The following LRRTM4 variants were observed in gnomAD, a reference collection of about 807,000 sequenced individuals.
LRRTM4 encodes the protein leucine-rich repeat transmembrane neuronal protein 4.
Under a neutral mutation model 47.6 loss-of-function variants are expected in LRRTM4, and 25 were observed. The ratio of observed to expected loss-of-function variants is 0.53; its 90% CI spans 0.38 to 0.73. LRRTM4 has a LOEUF of 0.73. Ranked by LOEUF, LRRTM4 falls within the 30% of genes least tolerant of loss-of-function variation. LRRTM4 has a pLI of 0.00. For synonymous variants in LRRTM4, 311 were observed against 269.5 expected, an observed-to-expected ratio of 1.15 and a Z score of -1.51; for missense variants, 638 against 713.4, an observed-to-expected ratio of 0.89 and a Z score of 1.20.
At chr2:76,776,497 T>G (rs1050340591) in intron 3 of LRRTM4, among the ~76,000 whole-genome samples, 3 of 150,708 alleles carry the variant, frequency 2.0e-5, no homozygotes, top group Non-Finnish European at 4.4e-5. Context: ...TTTGCATTTC[T>G]CTGATGGCCA....
chr2:76,898,976 G>T (rs1040502694), intron 3 of LRRTM4, among the ~76,000 whole-genome samples: 2 of 151,980 alleles, frequency 1.3e-5, no homozygotes, highest in Admixed American at 1.3e-4. Context: ...ATACAAGGAT[G>T]TTCTCTTTGA....
intron 3 of LRRTM4, among the ~76,000 whole-genome samples, chr2:77,003,265 CTTTT>C (rs1677503815): frequency 1.3e-5 from 2 of 151,192 alleles, no homozygotes; most frequent in Non-Finnish European, 2.9e-5. Flanking sequence ...TTCTATTTTA[CTTTT>C]ATTTGCTTAT....
intron 3 of LRRTM4, among the ~76,000 whole-genome samples, chr2:77,290,914 G>C (rs1183720591): frequency 6.6e-6 from 1 of 151,936 alleles, no homozygotes; most frequent in Non-Finnish European, 1.5e-5. Context: ...TGCCTCCTTA[G>C]TGCCCTGTGA....
chr2:77,142,054 C>T (rs942325918), intron 3 of LRRTM4, among the ~76,000 whole-genome samples: 3 of 152,272 alleles, frequency 2.0e-5, no homozygotes, highest in Non-Finnish European at 2.9e-5. Flanking sequence ...CAACAGATTG[C>T]TTGTCAGTAT....
intron 3 of LRRTM4, among the ~76,000 whole-genome samples, chr2:77,137,363 C>G (rs964414943): frequency 6.6e-6 from 1 of 151,896 alleles, no homozygotes; most frequent in Non-Finnish European, 1.5e-5. Context: ...AATTTCATAT[C>G]CAGCCAAACT....
rs569119847 is a variant in LRRTM4, at chr2:77,508,390, A to T, written c.1551+9928T>A. On this transcript the variant is annotated intron_variant, in intron 3 of 3. Coordinates refer to ENST00000409884, the MANE Select transcript of LRRTM4 (RefSeq NM_001134745.3). ...ATTAATGGAATTTTAGCTCAGATCC[A>T]TCTCACAGTGAGAATCCAAGCCGTG... Among the ~76,000 whole-genome samples the T allele has an allele frequency of 6.4e-4, 97 of 152,262 alleles. 2 individuals are homozygous for T. Among genetic ancestry groups the T allele is most frequent in the African/African-American group, 2.1e-3 (86 of 41,570 alleles).
intron 3 of LRRTM4, among the ~76,000 whole-genome samples, chr2:77,161,037 T>C (rs1264463992): frequency 6.6e-6 from 1 of 152,142 alleles, no homozygotes; most frequent in Non-Finnish European, 1.5e-5. Flanking sequence ...ACCCCCTCGA[T>C]GACTTCCAGA....
chr2:77,115,999 G>T (rs753886837), intron 3 of LRRTM4, among the ~76,000 whole-genome samples: 15 of 151,988 alleles, frequency 9.9e-5, no homozygotes, highest in Admixed American at 1.3e-4. Context: ...TGTTCTTTTT[G>T]ACTAGGTATG....
chr2:76,784,755 G>T (rs770787301), intron 3 of LRRTM4, among the ~76,000 whole-genome samples: 3 of 151,946 alleles, frequency 2.0e-5, no homozygotes, highest in Non-Finnish European at 4.4e-5. Context: ...GTGCTGGCCA[G>T]TAATGTTGTC....
intron 3 of LRRTM4, among the ~76,000 whole-genome samples, chr2:76,807,425 CATATATATAT>C (rs70939835): frequency 1.0e-3 from 98 of 98,002 alleles, no homozygotes; most frequent in South Asian, 2.7e-3. Context: ...TATATATATA[CATATATATAT>C]ACGTATATAC....
intron 3 of LRRTM4, among the ~76,000 whole-genome samples, chr2:77,256,855 G>C (rs1675783021): frequency 6.8e-6 from 1 of 146,868 alleles, no homozygotes; most frequent in Non-Finnish European, 1.5e-5. Flanking sequence ...GAGAGGAAGG[G>C]AGGGAGGGAG....
At chr2:76,886,137 T>G (rs952712723) in intron 3 of LRRTM4, among the ~76,000 whole-genome samples, 2 of 152,130 alleles carry the variant, frequency 1.3e-5, no homozygotes, top group African/African-American at 2.4e-5. Context: ...AAGCAAAAAC[T>G]GACAAAATTG....
chr2:76,842,845 C>A (rs547478021), intron 3 of LRRTM4, among the ~76,000 whole-genome samples: 32 of 152,170 alleles, frequency 2.1e-4, no homozygotes, highest in African/African-American at 7.5e-4. Flanking sequence ...TGTCTATAAC[C>A]TCCAATTTTC....
At chr2:77,103,656 TATATATAG>T (rs970445613) in intron 3 of LRRTM4, among the ~76,000 whole-genome samples, 5 of 144,414 alleles carry the variant, frequency 3.5e-5, no homozygotes, top group African/African-American at 1.3e-4. Context: ...TGTATATATA[TATATATAG>T]ATATATATAT....
chr2:76,946,110 G>C (rs10520173), intron 3 of LRRTM4, among the ~76,000 whole-genome samples: 1 of 151,752 alleles, frequency 6.6e-6, no homozygotes, highest in African/African-American at 2.4e-5. Flanking sequence ...TTAAAAGTCA[G>C]TATTTTCCCT....
intron 3 of LRRTM4, among the ~76,000 whole-genome samples, chr2:77,189,170 A>G (rs751715513): frequency 1.3e-5 from 2 of 152,206 alleles, no homozygotes; most frequent in Non-Finnish European, 2.9e-5. Context: ...AAAAAGTAAA[A>G]CCTACCAAGC....
intron 3 of LRRTM4, among the ~76,000 whole-genome samples, chr2:76,842,865 G>T (rs536190894): frequency 2.6e-5 from 4 of 152,150 alleles, no homozygotes; most frequent in African/African-American, 7.2e-5. Flanking sequence ...CTTATGAGTG[G>T]CAAGTTATTA....
Position 76,865,026 on chromosome 2 carries a change from T to A in LRRTM4, c.1552-116110A>T, listed in dbSNP as rs147910637. Reference sequence around the variant, plus strand: ...TTGATTCTTACTTAATTATATTCTTTCCATTATTGAAGGAGAAAACCATTA... The same window carrying A: ...TTGATTCTTACTTAATTATATTCTTACCATTATTGAAGGAGAAAACCATTA... On this transcript the variant is annotated intron_variant, in intron 3 of 3. Coordinates refer to ENST00000409884, the MANE Select transcript of LRRTM4 (RefSeq NM_001134745.3). Among the ~76,000 whole-genome samples the A allele has an allele frequency of 5.7e-3, 869 of 152,002 alleles. 13 individuals carry two copies. Among genetic ancestry groups the A allele is most frequent in the African/African-American group, 0.02 (823 of 41,458 alleles).
At chr2:76,942,673 A>AGTGTGTGTGTGTGTGT (rs1558753067) in intron 3 of LRRTM4, among the ~76,000 whole-genome samples, 1 of 77,592 alleles carries the variant, frequency 1.3e-5, no homozygotes, top group African/African-American at 9.7e-5. Flanking sequence ...AACCTCTAGG[A>AGTGTGTGTGTGTGTGT]ATCTGTGTGT....
Sources: allele counts gnomAD v4.1 joint callset (sites outside exome capture counted in the v4.1 genomes callset), GRCh38; gene constraint gnomAD v4.1.1; transcripts MANE v1.5; gene names NCBI Gene and HGNC (gene_info 2026-07-23, HGNC 2026-07-21).